The following TMC2 variants were observed in gnomAD, a reference collection of about 807,000 sequenced individuals.
TMC2 encodes the protein transmembrane channel like 2.
TMC2 carries 102 observed loss-of-function variants against 105.9 expected under a neutral mutation model. The observed-to-expected ratio is 0.96, with a 90% confidence interval of 0.82 to 1.14. The LOEUF (loss-of-function observed/expected upper bound fraction) is 1.14. Among genes scored for constraint, TMC2 ranks in the 50% most tolerant of loss-of-function variants. The probability of loss-of-function intolerance (pLI) is 0.00; values close to 1 mark genes in which losing one functional copy is unlikely to be tolerated. For synonymous variants in TMC2, 402 were observed against 422.8 expected (o/e 0.95, Z 0.60); for missense variants, 1,093 against 1,134.3 (o/e 0.96, Z 0.52).
In TMC2 at chr20:2,610,428, G is replaced by C. The variant is rs369460562; in HGVS notation, c.1423G>C (p.Val475Leu). Reference protein sequence around the residue: ...SWYERNEVEIVMSLLGMFCPP... With the variant: ...SWYERNEVEILMSLLGMFCPP... ...TTTCCTGATTCCTCAGGTAGAGATCGTGATGTCCCTGCTTGGAATGTTTTG... is the reference window on the plus strand; with the variant it reads ...TTTCCTGATTCCTCAGGTAGAGATCCTGATGTCCCTGCTTGGAATGTTTTG... Residue 475 changes from valine (V) to leucine (L), a missense_variant, in exon 12 of 20, where the codon GTG becomes CTG. Coordinates refer to ENST00000358864, the MANE Select transcript of TMC2 (RefSeq NM_080751.3). 8 of 1,611,290 alleles carry C rather than the reference G, an allele frequency of 5.0e-6. No individual in the cohort carries two copies. In the Admixed American group the frequency reaches 5.0e-5, roughly 10 times the overall value.
At chr20:2,543,202 A>G (rs1403879578) in intron 2 of TMC2, among the ~76,000 whole-genome samples, 1 of 151,442 alleles carries the variant, frequency 6.6e-6, no homozygotes, top group Admixed American at 6.6e-5. Context: ...TTACCACTGC[A>G]CTCCAGCCTG....
rs753422652 is a variant in TMC2, at chr20:2,605,878, G to T, written c.1413+3577G>T. On this transcript the variant is annotated intron_variant, in intron 11 of 19. Transcript: ENST00000358864. ...CTGGAAGTGGAAAAGAGAAGGAAAA[G>T]GTGCTGTCCGCAGAGCCTGTGGCCT... is the stretch of plus-strand genomic sequence containing the variant. Among the ~76,000 whole-genome samples the T allele has an allele frequency of 2.6e-5, 4 of 152,186 alleles. No individual in the cohort carries two copies. The East Asian group carries it at 5.8e-4, about 22-fold the overall frequency.
At chr20:2,584,439 G>A (rs1225451637) in intron 7 of TMC2, among the ~76,000 whole-genome samples, 8 of 131,798 alleles carry the variant, frequency 6.1e-5, no homozygotes, top group African/African-American at 1.8e-4. Flanking sequence ...GCGAGACTCC[G>A]TCTCAAAAAA....
chr20:2,610,524 G>C lies in TMC2; in HGVS notation c.1519G>C (p.Gly507Arg). 1 of 1,613,718 alleles carries C rather than the reference G, an allele frequency of 6.2e-7. No individual in the cohort carries two copies. Among genetic ancestry groups the C allele is most frequent in the Non-Finnish European group, 8.5e-7 (1 of 1,179,848 alleles). ...HPRTGLKWQL[G>R]RIFALFLGNL... is the part of the protein sequence containing the mutation. ...ACGCACTGGACTGAAGTGGCAGCTG[G>C]GACGCATCTTTGCACTCTTCCTGGG... Residue 507 changes from glycine to arginine, a missense_variant, in exon 12 of 20, where the codon GGA becomes CGA. Gly to Arg is a moderately radical substitution (Grantham distance 125, BLOSUM62 -2). Transcript: ENST00000358864.
chr20:2,544,091 T>C (rs1037681029), intron 2 of TMC2, among the ~76,000 whole-genome samples: 3 of 148,748 alleles, frequency 2.0e-5, no homozygotes. Flanking sequence ...TTTTTTTGTA[T>C]TTTTAGTAGA....
At chr20:2,603,575 G>A (rs554149994) in intron 11 of TMC2, among the ~76,000 whole-genome samples, 17 of 152,188 alleles carry the variant, frequency 1.1e-4, no homozygotes, top group African/African-American at 4.1e-4. Flanking sequence ...TAAAAGAATG[G>A]GCCAGTGGTT....
At chr20:2,604,579 T>C (rs1259236561) in intron 11 of TMC2, among the ~76,000 whole-genome samples, 2 of 152,058 alleles carry the variant, frequency 1.3e-5, no homozygotes, top group Non-Finnish European at 1.5e-5. Context: ...TGATCAGTGT[T>C]TTTTTTTGTA....
rs550434995 is a variant in TMC2 at position 2,635,973 on chromosome 20, C to A, written c.2354C>A (p.Ala785Asp). The change falls in exon 18 of 20, where the codon GCT (alanine) becomes GAT (aspartate). Residue 785 changes from alanine (A) to aspartate (D), a missense_variant. Coordinates refer to ENST00000358864, the MANE Select transcript of TMC2 (RefSeq NM_080751.3). The stretch of plus-strand genomic sequence containing the variant: ...TCAGTTTCCAAAAGCCTTTCCCGAG[C>A]TAATGCCCAGCTGAGGAAGAAAATC... ...LNSVSKSLSR[A>D]NAQLRKKIQV... 6.2e-7 allele frequency: 1 copy of A among 1,614,140 alleles called. No individual in the cohort carries two copies. Among genetic ancestry groups the A allele is most frequent in the African/African-American group, 1.3e-5 (1 of 75,030 alleles).
chr20:2,622,186 C>A (rs2146254950), intron 16 of TMC2, among the ~76,000 whole-genome samples: 1 of 152,312 alleles, frequency 6.6e-6, no homozygotes, highest in Non-Finnish European at 1.5e-5. Context: ...GACACAACTG[C>A]TCTTCCCTGT....
chr20:2,625,247 C>T (rs1428466173), intron 17 of TMC2, among the ~76,000 whole-genome samples: 1 of 152,076 alleles, frequency 6.6e-6, no homozygotes, highest in Non-Finnish European at 1.5e-5. Flanking sequence ...TCCCAGCATA[C>T]AAATGAGTAC....
At chr20:2,552,333 C>T (rs1396103830) in intron 2 of TMC2, among the ~76,000 whole-genome samples, 1 of 152,136 alleles carries the variant, frequency 6.6e-6, no homozygotes, top group African/African-American at 2.4e-5. Context: ...TGATTGAAAT[C>T]GCATTAACTC....
intron 4 of TMC2, among the ~76,000 whole-genome samples, chr20:2,567,810 T>A (rs1469456076): frequency 6.6e-6 from 1 of 152,052 alleles, no homozygotes; most frequent in Admixed American, 6.5e-5. Context: ...GAGGAACAAC[T>A]GGAAATTTTA....
intron 7 of TMC2, among the ~76,000 whole-genome samples, chr20:2,583,191 T>C (rs1349110062): frequency 1.3e-5 from 2 of 152,212 alleles, no homozygotes; most frequent in Non-Finnish European, 2.9e-5. Context: ...GGTATTCATG[T>C]CCTTATGTAA....
chr20:2,564,575 A>T (rs2086051253), intron 4 of TMC2, among the ~76,000 whole-genome samples: 1 of 152,150 alleles, frequency 6.6e-6, no homozygotes, highest in Non-Finnish European at 1.5e-5. Flanking sequence ...GTGTCACCAG[A>T]ACACATCTTT....
intron 14 of TMC2, chr20:2,613,801 C>T: frequency 4.2e-6 from 1 of 236,996 alleles, no homozygotes; most frequent in East Asian, 1.1e-4. Context: ...TCCCCACCTA[C>T]CTGGTAAATG....
chr20:2,597,409 C>A, intron 10 of TMC2, 111 bp downstream of exon 10: 1 of 1,124,958 alleles, frequency 8.9e-7, no homozygotes, highest in Non-Finnish European at 1.3e-6. Context: ...TAATTTGTGG[C>A]AAGAGCCTTC....
At chr20:2,597,460 T>C (rs560178895) in intron 10 of TMC2, among the ~76,000 whole-genome samples, 162 bp downstream of exon 10, 13 of 152,178 alleles carry the variant, frequency 8.5e-5, no homozygotes, top group Admixed American at 5.2e-4. Flanking sequence ...TAAGTAAGAA[T>C]GTTCGTGGCT....
chr20:2,605,289 A>G (rs747989853), intron 11 of TMC2, among the ~76,000 whole-genome samples: 48 of 152,352 alleles, frequency 3.2e-4, no homozygotes, highest in Non-Finnish European at 6.8e-4. Flanking sequence ...AAGGAAAAAC[A>G]TATAGGCTGC....
chr20:2,589,267 GCC>G (rs1304044158), intron 7 of TMC2, among the ~76,000 whole-genome samples: 1 of 28,680 alleles, frequency 3.5e-5, no homozygotes, highest in Non-Finnish European at 6.8e-5. Flanking sequence ...CTTCCTATTT[GCC>G]CTGTGTGTGT....
Sources: allele counts gnomAD v4.1 joint callset (sites outside exome capture counted in the v4.1 genomes callset), GRCh38; gene constraint gnomAD v4.1.1; transcripts MANE v1.5; gene names NCBI Gene and HGNC (gene_info 2026-07-23, HGNC 2026-07-21).